TRIM66: variants seen among roughly 807,000 people sequenced by gnomAD.
TRIM66 encodes tripartite motif-containing protein 66.
In TRIM66, 99 loss-of-function variants were observed where a neutral mutation model predicts 148.2. The observed-to-expected ratio is 0.67, with a 90% CI of 0.57 to 0.79. TRIM66 has a LOEUF of 0.79. TRIM66 is among the 30% of genes least tolerant of loss of function. The probability of loss-of-function intolerance (pLI) is 0.00; values close to 1 mark genes in which losing one functional copy is unlikely to be tolerated. For missense variants in TRIM66, 1,666 were observed against 1,697.9 expected (o/e 0.98, Z 0.33); for synonymous variants, 616 against 635.9 (o/e 0.97, Z 0.47).
chr11:8,636,557 T>C (rs1024939731), intron 15 of TRIM66, among the ~76,000 whole-genome samples: 3 of 152,068 alleles, frequency 2.0e-5, no homozygotes, highest in African/African-American at 7.2e-5. Flanking sequence ...TCCACTGGGA[T>C]GGGAGCATGG....
chr11:8,672,081 G>C lies in TRIM66; in HGVS notation c.45C>G (p.Arg15=). 2 of 1,521,114 alleles carry C rather than the reference G, an allele frequency of 1.3e-6. No homozygotes were observed. The highest frequency in any genetic ancestry group is 1.8e-6 in the Non-Finnish European group (2 of 1,139,822). 94.2% of individuals were successfully genotyped at this position (1,521,114 alleles called of 1,614,324 possible). A position where few individuals can be genotyped will look rare whatever the true frequency, so the allele number is the denominator to read the frequency against. Residue 15 remains arginine (R), a synonymous_variant, in exon 6 of 25, where the codon CGC becomes CGG. Transcript: ENST00000646038. Reference sequence around the variant, plus strand: ...CCTCAGGTGAGAAGCAGCGTGTAGAGCGAGCCAGCTCCACTCCCTGTAAGT... The same window carrying C: ...CCTCAGGTGAGAAGCAGCGTGTAGACCGAGCCAGCTCCACTCCCTGTAAGT... The part of the protein sequence containing the change: ...SFWSQGVELA[R]STRCFSPEDI...
At chr11:8,639,830 T>G (rs2036206675) in intron 14 of TRIM66, among the ~76,000 whole-genome samples, 1 of 152,166 alleles carries the variant, frequency 6.6e-6, no homozygotes, top group Non-Finnish European at 1.5e-5. Context: ...GCCCTCCCCC[T>G]GTCTGGGATT....
intron 15 of TRIM66, among the ~76,000 whole-genome samples, chr11:8,634,515 G>C (rs1183238157): frequency 6.6e-6 from 1 of 152,228 alleles, no homozygotes; most frequent in African/African-American, 2.4e-5. Context: ...CAGTTGACTG[G>C]TTCAGAAGCA....
In TRIM66 at chr11:8,617,575, G is replaced by T. The variant is rs979004476; in HGVS notation, c.*369C>A. On this transcript the variant is annotated 3_prime_UTR_variant, in exon 25 of 25. Coordinates refer to ENST00000646038, the MANE Select transcript of TRIM66 (RefSeq NM_001388022.1). Reference sequence around the variant, plus strand: ...CAGGAGGAGTTCAGATGTATACATGGCTCCTGAGCCCTGGACACTAAAAGG... The same window carrying T: ...CAGGAGGAGTTCAGATGTATACATGTCTCCTGAGCCCTGGACACTAAAAGG... The T allele has an allele frequency of 4.3e-6, 1 of 232,656 alleles. No homozygotes were observed. Among genetic ancestry groups the T allele is most frequent in the Non-Finnish European group, 8.4e-6 (1 of 118,948 alleles). 14.4% of individuals were successfully genotyped at this position (232,656 alleles called of 1,614,324 possible).
upstream of TRIM66, chr11:8,682,928 C>T (rs2039513317): frequency 1.4e-6 from 2 of 1,390,798 alleles, no homozygotes; most frequent in Middle Eastern, 1.9e-4. Flanking sequence ...CCAGGCTGCG[C>T]ATGGCCGCCT....
Position 8,662,039 on chromosome 11 carries a change from A to AGAGC in TRIM66, c.340+9743_340+9746dup, listed in dbSNP as rs2038295987. ...GCCAGTGCTATTCCCAGGGCCCTAG[A>AGAGC]GAGCCAATTAAGGCGAGGAAACTGT... On this transcript the variant is annotated intron_variant, in intron 6 of 24. Transcript: ENST00000646038. 3.3e-5 allele frequency among the ~76,000 whole-genome samples: 5 copies of AGAGC among 152,176 alleles called. No homozygotes were observed. The South Asian group carries it at 1.0e-3, about 32-fold the overall frequency.
intron 3 of TRIM66, among the ~76,000 whole-genome samples, chr11:8,678,910 A>G (rs2039301377): frequency 6.6e-6 from 1 of 152,166 alleles, no homozygotes; most frequent in African/African-American, 2.4e-5. Context: ...GCAGCAAAAA[A>G]TCAGCACACT....
chr11:8,633,884 T>C (rs1420399369), intron 15 of TRIM66, among the ~76,000 whole-genome samples: 1 of 152,192 alleles, frequency 6.6e-6, no homozygotes, highest in Non-Finnish European at 1.5e-5. Context: ...AGATCGGGCA[T>C]CAAAATGCTT....
At chr11:8,658,409 T>C (rs2038013302) in intron 6 of TRIM66, among the ~76,000 whole-genome samples, 1 of 152,178 alleles carries the variant, frequency 6.6e-6, no homozygotes, top group African/African-American at 2.4e-5. Context: ...TCTCAGCCTT[T>C]TAGGACTCCA....
intron 23 of TRIM66, 68 bp downstream of exon 23, chr11:8,619,314 AC>A: frequency 4.4e-6 from 6 of 1,349,044 alleles, no homozygotes; most frequent in Non-Finnish European, 4.9e-6. Flanking sequence ...TAACCTCCCA[AC>A]CCTACCCACC....
chr11:8,630,249 T>C (rs1164056527), intron 15 of TRIM66, among the ~76,000 whole-genome samples: 1 of 152,116 alleles, frequency 6.6e-6, no homozygotes, highest in Non-Finnish European at 1.5e-5. Flanking sequence ...CGTGGCCAGG[T>C]TGTCTGACAC....
intron 6 of TRIM66, among the ~76,000 whole-genome samples, chr11:8,666,752 G>GT (rs1343720993): frequency 2.0e-5 from 3 of 152,118 alleles, no homozygotes; most frequent in Admixed American, 6.5e-5. Flanking sequence ...CAAAGCTTTT[G>GT]TTTTTATTCT....
At chr11:8,625,625 G>A (rs528560594) in intron 15 of TRIM66, among the ~76,000 whole-genome samples, 6 of 152,254 alleles carry the variant, frequency 3.9e-5, no homozygotes, top group African/African-American at 1.2e-4. Context: ...CAAAGGGTCC[G>A]GCTGTGGGAC....
At chr11:8,643,372 C>T (rs1328051366) in intron 12 of TRIM66, among the ~76,000 whole-genome samples, 1 of 149,982 alleles carries the variant, frequency 6.7e-6, no homozygotes, top group African/African-American at 2.5e-5. Context: ...CGGGGTCTCA[C>T]TCTGTTGCCC....
At chr11:8,668,141 G>A (rs2038714537) in intron 6 of TRIM66, among the ~76,000 whole-genome samples, 1 of 151,986 alleles carries the variant, frequency 6.6e-6, no homozygotes, top group Non-Finnish European at 1.5e-5. Flanking sequence ...TTCTCATCAT[G>A]GTTTTGATTT....
At chr11:8,620,685 A>G (rs1038643702) in intron 20 of TRIM66, 113 bp from the exon 21 acceptor site, 3 of 1,437,580 alleles carry the variant, frequency 2.1e-6, no homozygotes, top group Non-Finnish European at 2.8e-6. Flanking sequence ...TTTGCCGTGT[A>G]AGAAATGGCT....
At chr11:8,669,642 CAAA>C (rs112240789) in intron 6 of TRIM66, among the ~76,000 whole-genome samples, 7 of 120,478 alleles carry the variant, frequency 5.8e-5, no homozygotes, top group Non-Finnish European at 3.7e-5. Context: ...GACCCTGTCT[CAAA>C]AAAAAAAAAA....
chr11:8,655,767 G>C (rs961541148), intron 6 of TRIM66, among the ~76,000 whole-genome samples: 2 of 151,822 alleles, frequency 1.3e-5, no homozygotes, highest in African/African-American at 4.8e-5. Flanking sequence ...GGCCAACAGA[G>C]TGAGACTCTG....
rs2034300364 is a variant in TRIM66, at chr11:8,622,244, C to A, written c.3081-425G>T. Among the ~76,000 whole-genome samples the A allele has an allele frequency of 3.3e-5, 5 of 149,350 alleles. 1 individual carries two copies. The South Asian group carries it at 1.1e-3, about 32-fold the overall frequency. ...AGCTTGCAGACAACCTATTGTGGGA[C>A]CCTGTGATCACGTAAATTAATACTT... is the stretch of plus-strand genomic sequence containing the variant. On this transcript the variant is annotated intron_variant, in intron 18 of 24. Coordinates refer to ENST00000646038, the MANE Select transcript of TRIM66 (RefSeq NM_001388022.1).
Sources: allele counts gnomAD v4.1 joint callset (sites outside exome capture counted in the v4.1 genomes callset), GRCh38; gene constraint gnomAD v4.1.1; transcripts MANE v1.5; gene names NCBI Gene and HGNC (gene_info 2026-07-23, HGNC 2026-07-21).